The following MAP4K5 variants were observed in gnomAD, a reference collection of about 807,000 sequenced individuals.
MAP4K5 encodes mitogen-activated protein kinase kinase kinase kinase 5, also known as MAPK/ERK kinase kinase kinase 5.
Under a neutral mutation model 135.6 loss-of-function variants are expected in MAP4K5, and 82 were observed. That is an observed-to-expected ratio of 0.60 (90% CI 0.51 to 0.73). MAP4K5 has a LOEUF of 0.73. Ranked by LOEUF, MAP4K5 falls within the 30% of genes least tolerant of loss-of-function variation. The pLI, the probability that MAP4K5 is intolerant of heterozygous loss-of-function variation, is 0.00. For missense variants in MAP4K5, 907 were observed against 1,010.9 expected, an observed-to-expected ratio of 0.90 and a Z score of 1.39; for synonymous variants, 347 against 335.0, an observed-to-expected ratio of 1.04 and a Z score of -0.39.
chr14:50,560,216 G>C, intron 1 of MAP4K5: 1 of 1,610,036 alleles, frequency 6.2e-7, no homozygotes, highest in Non-Finnish European at 8.5e-7. Flanking sequence ...CCCCGGAGAA[G>C]GCAGCGAGCG....
At chr14:50,435,674 A>G (rs757796805) in intron 26 of MAP4K5, among the ~76,000 whole-genome samples, 1 of 152,070 alleles carries the variant, frequency 6.6e-6, no homozygotes, top group Admixed American at 6.6e-5. Context: ...GAGTTCTGAC[A>G]AGGTCTAGGA....
In MAP4K5 at chr14:50,419,851, T is replaced by G; in HGVS notation, c.*168A>C. 1 of 581,546 alleles carries G rather than the reference T, an allele frequency of 1.7e-6. No individual in the cohort carries two copies. The highest frequency in any genetic ancestry group is 2.3e-5 in the South Asian group (1 of 43,790). The allele number at this position is 581,546 out of a possible 1,614,324, so 36.0% of individuals were successfully genotyped here. ...ACACAGTGGCAAGAGATAGACTAGCTGTTTCCAGCTGCAGAAAATATTGAA... is the reference window on the plus strand; with the variant it reads ...ACACAGTGGCAAGAGATAGACTAGCGGTTTCCAGCTGCAGAAAATATTGAA... On this transcript the variant is annotated 3_prime_UTR_variant, in exon 33 of 33. Coordinates refer to ENST00000682126, the MANE Select transcript of MAP4K5 (RefSeq NM_006575.6).
intron 2 of MAP4K5, 142 bp downstream of exon 2, chr14:50,531,800 G>T: frequency 1.4e-6 from 1 of 701,396 alleles, no homozygotes; most frequent in Non-Finnish European, 2.6e-6. Flanking sequence ...GCTCAGAACC[G>T]AGTAAAAGGG....
intron 3 of MAP4K5, among the ~76,000 whole-genome samples, chr14:50,493,306 C>T (rs1003943407): frequency 2.6e-5 from 4 of 152,146 alleles, no homozygotes; most frequent in African/African-American, 4.8e-5. Context: ...ATCTCCATTA[C>T]GTTGCTCAGG....
chr14:50,515,002 C>T (rs1230779252), intron 2 of MAP4K5, among the ~76,000 whole-genome samples: 1 of 151,610 alleles, frequency 6.6e-6, no homozygotes, highest in Non-Finnish European at 1.5e-5. Flanking sequence ...CTCCCAGGTT[C>T]AAGTAATTCT....
chr14:50,440,294 TTTAAAA>T, intron 22 of MAP4K5, 62 bp downstream of exon 22: 1 of 1,075,480 alleles, frequency 9.3e-7, no homozygotes, highest in Non-Finnish European at 1.4e-6. Flanking sequence ...CACAGATTGA[TTTAAAA>T]TTAAGACACT....
chr14:50,445,256 G>A, intron 17 of MAP4K5, 62 bp from the exon 18 acceptor site: 1 of 1,507,798 alleles, frequency 6.6e-7, no homozygotes, highest in Non-Finnish European at 9.0e-7. Flanking sequence ...AGTCTTTAGG[G>A]AAAGGGAAAT....
chr14:50,526,575 C>T (rs1467955841), intron 2 of MAP4K5, among the ~76,000 whole-genome samples: 2 of 152,130 alleles, frequency 1.3e-5, no homozygotes, highest in African/African-American at 4.8e-5. Flanking sequence ...GGATTACAGG[C>T]GTGAGCCACT....
chr14:50,438,251 G>A, intron 23 of MAP4K5, 157 bp from the exon 24 acceptor site: 1 of 439,376 alleles, frequency 2.3e-6, no homozygotes. Flanking sequence ...GGTACTAATA[G>A]GTGATCTGGG....
chr14:50,437,393 A>G, intron 26 of MAP4K5, 83 bp downstream of exon 26: 1 of 1,086,742 alleles, frequency 9.2e-7, no homozygotes, highest in South Asian at 1.5e-5. Context: ...CCTCCTTCCT[A>G]TTTGATTCCA....
At chr14:50,521,839 A>G (rs1358240772) in intron 2 of MAP4K5, among the ~76,000 whole-genome samples, 1 of 152,218 alleles carries the variant, frequency 6.6e-6, no homozygotes, top group African/African-American at 2.4e-5. Context: ...TACCCTCTCA[A>G]ACTTGACTAG....
chr14:50,548,498 G>A (rs1216656758), intron 1 of MAP4K5, among the ~76,000 whole-genome samples: 1 of 152,128 alleles, frequency 6.6e-6, no homozygotes, highest in Non-Finnish European at 1.5e-5. Context: ...TAACTGTAGG[G>A]TTTTGGTCTC....
intron 3 of MAP4K5, among the ~76,000 whole-genome samples, chr14:50,494,543 A>G (rs2037554377): frequency 6.6e-6 from 1 of 152,178 alleles, no homozygotes; most frequent in Admixed American, 6.5e-5. Flanking sequence ...AAATTCTGGT[A>G]ACATTTTTTT....
intron 1 of MAP4K5, among the ~76,000 whole-genome samples, chr14:50,548,266 A>T (rs933872520): frequency 3.3e-5 from 5 of 152,204 alleles, no homozygotes; most frequent in African/African-American, 1.2e-4. Flanking sequence ...TTCATTCCTC[A>T]TTTGGCACAA....
At chr14:50,531,901 C>A in intron 2 of MAP4K5, 41 bp downstream of exon 2, 1 of 1,374,544 alleles carries the variant, frequency 7.3e-7, no homozygotes, top group Non-Finnish European at 1.0e-6. Context: ...TTCCCGGGAC[C>A]CAGTCGACCG....
intron 9 of MAP4K5, 105 bp from the exon 10 acceptor site, chr14:50,468,887 G>A: frequency 1.0e-6 from 1 of 982,664 alleles, no homozygotes; most frequent in Non-Finnish European, 1.5e-6. Context: ...GAAGCTGAGA[G>A]GTGTTTACTA....
chr14:50,534,542 A>G (rs1435956081), upstream of MAP4K5, among the ~76,000 whole-genome samples: 2 of 152,262 alleles, frequency 1.3e-5, no homozygotes, highest in Non-Finnish European at 2.9e-5. Flanking sequence ...AAAATGAATT[A>G]GGCAGTGAAA....
intron 13 of MAP4K5, among the ~76,000 whole-genome samples, chr14:50,457,899 C>T (rs2036625597): frequency 6.6e-6 from 1 of 152,166 alleles, no homozygotes; most frequent in African/African-American, 2.4e-5. Flanking sequence ...ATTCCCTTTG[C>T]CCCACTGTCT....
chr14:50,442,387 C>G (rs1044819656), intron 21 of MAP4K5, among the ~76,000 whole-genome samples: 1 of 152,014 alleles, frequency 6.6e-6, no homozygotes, highest in African/African-American at 2.4e-5. Flanking sequence ...AACCACAAGA[C>G]ATTAATACTT....
Sources: gnomAD v4.1 joint callset for allele counts (sites outside exome capture counted in the v4.1 genomes callset) on GRCh38, gnomAD v4.1.1 for gene constraint, MANE v1.5 for transcripts, NCBI Gene and HGNC (gene_info 2026-07-23, HGNC 2026-07-21) for gene names.